The following OBSL1 variants were observed in gnomAD, a reference collection of about 807,000 sequenced individuals.
OBSL1 encodes the protein obscurin-like protein 1.
In OBSL1, 160 loss-of-function variants were observed where a neutral mutation model predicts 172.0. That is an observed-to-expected ratio of 0.93 (90% CI 0.82 to 1.06). OBSL1 has a LOEUF of 1.06. Among genes scored for constraint, OBSL1 ranks in the 50% least tolerant of loss-of-function variants. OBSL1 has a pLI of 0.00. For synonymous variants in OBSL1, 1,200 were observed against 1,196.3 expected (o/e 1.00, Z -0.06); for missense variants, 2,681 against 2,715.4 (o/e 0.99, Z 0.28).
At position 219,568,008 on chromosome 2, in the gene OBSL1, GCACCT is replaced by G; in HGVS notation, c.1282+42_1283-40del. 5 of 1,609,000 alleles carry G rather than the reference GCACCT, an allele frequency of 3.1e-6. No individual in the cohort carries two copies. The highest frequency in any genetic ancestry group is 4.3e-6 in the Non-Finnish European group (5 of 1,176,040). On this transcript the variant is annotated intron_variant, in intron 2 of 20. Coordinates refer to ENST00000404537, the MANE Select transcript of OBSL1 (RefSeq NM_015311.3). The surrounding 1 kb of genome is among the most constrained non-coding windows in gnomAD (Gnocchi z 4.1). ...AGGAATCCATCAACCTGGAATCTGAGCACCTGCCTGCCTCCGCCTCAGCCTCTTCC... is the reference window on the plus strand; with the variant it reads ...AGGAATCCATCAACCTGGAATCTGAGGCCTGCCTCCGCCTCAGCCTCTTCC...
rs1559147645 is a variant in OBSL1, at chr2:219,563,346, GC to G, written c.2680+8del. 2 of 1,553,088 alleles carry G rather than the reference GC, an allele frequency of 1.3e-6. No homozygotes were observed. On this transcript the variant is annotated splice_region_variant and intron_variant, in intron 7 of 20. Transcript: ENST00000404537. ...CCCCTGTGCCTCCGAGGCCCACCTG[GC>G]CCCCCACCTGTGATGGTGACAGTGA...
At chr2:219,549,947 C>T, downstream of OBSL1, 1 of 1,520,748 alleles carries the variant, frequency 6.6e-7, no homozygotes, top group Non-Finnish European at 8.9e-7. Context: ...TTTGGCTGTC[C>T]CTCTCCCCAG....
rs1695743783 is a variant in OBSL1 at position 219,552,957 on chromosome 2, TGGA to T, written c.5054_5056del (p.Leu1685del). ...GTCCGAGGGGCCGCAGCGTCGCAGC[TGGA>T]GAAGGCGGCGCGTGCCGAGGGCCTG... On this transcript the variant is annotated inframe_deletion, in exon 17 of 21. Transcript: ENST00000404537. 6.5e-7 allele frequency: 1 copy of T among 1,533,356 alleles called. No individual in the cohort carries two copies. The highest frequency in any genetic ancestry group is 8.7e-7 in the Non-Finnish European group (1 of 1,143,708). The allele number at this position is 1,533,356 out of a possible 1,614,324, so 95.0% of individuals were successfully genotyped here.
chr2:219,551,902 T>A, intron 19 of OBSL1, 104 bp from the exon 20 acceptor site: 2 of 869,076 alleles, frequency 2.3e-6, no homozygotes, highest in Non-Finnish European at 3.6e-6. Flanking sequence ...GCCTTAGCCC[T>A]CTATGCCACC....
In OBSL1 at chr2:219,558,213, T is replaced by C. The variant is rs775099873; in HGVS notation, c.3473A>G (p.Glu1158Gly). Reference protein sequence around the residue: ...AGEYVCETRHEAITFNVILAE... With the variant: ...AGEYVCETRHGAITFNVILAE... The stretch of plus-strand genomic sequence containing the variant: ...CAGGATGACATTGAAGGTGATGGCC[T>C]CATGCCGGGTCTCACACACATACTC... The change falls in exon 10 of 21, where the codon GAG becomes GGG. Residue 1158 changes from glutamate (E) to glycine (G), a missense_variant. Physicochemically the swap from Glu to Gly is moderately conservative, Grantham distance 98. This residue lies in a region of OBSL1 where 1,765 missense variants were observed against 1,748.3 expected (regional missense o/e 1.01). Transcript: ENST00000404537. 2 of 1,608,050 alleles carry C rather than the reference T, an allele frequency of 1.2e-6. No homozygotes were observed. Among genetic ancestry groups the C allele is most frequent in the South Asian group, 2.2e-5 (2 of 90,722 alleles).
chr2:219,558,890 C>G (rs1417871293), intron 9 of OBSL1, among the ~76,000 whole-genome samples: 1 of 152,212 alleles, frequency 6.6e-6, no homozygotes, highest in East Asian at 1.9e-4. Flanking sequence ...GTCTGTCCAC[C>G]CTCACCAGAG....
downstream of OBSL1, chr2:219,550,603 C>A: frequency 1.8e-6 from 1 of 569,490 alleles, no homozygotes; most frequent in Non-Finnish European, 3.1e-6. Flanking sequence ...GAATGGTGGT[C>A]TTTGGTGGCT....
downstream of OBSL1, chr2:219,547,589 C>A: frequency 6.8e-7 from 1 of 1,466,618 alleles, no homozygotes; most frequent in Non-Finnish European, 9.0e-7. Flanking sequence ...CTACCGAGAG[C>A]GGGTGCTAGA....
At chr2:219,557,791 A>T (rs1372975831) in intron 11 of OBSL1, 32 bp downstream of exon 11, 1 of 1,571,624 alleles carries the variant, frequency 6.4e-7, no homozygotes, top group African/African-American at 1.4e-5. Flanking sequence ...GCTTGGTGCC[A>T]CTCTCAGGCT....
chr2:219,560,874 G>A (rs1271447531), intron 8 of OBSL1, among the ~76,000 whole-genome samples: 1 of 152,208 alleles, frequency 6.6e-6, no homozygotes, highest in Non-Finnish European at 1.5e-5. Context: ...GTGCAGTGAT[G>A]GGACCGGGTG....
In OBSL1 at chr2:219,554,391, C is replaced by T. The variant is rs1695848282; in HGVS notation, c.4876+83G>A. 7 of 1,506,402 alleles carry T rather than the reference C, an allele frequency of 4.6e-6. No individual in the cohort carries two copies. The South Asian group carries it at 6.1e-5, about 13-fold the overall frequency. The allele number at this position is 1,506,402 out of a possible 1,614,324, so 93.3% of individuals were successfully genotyped here. ...AGACAGGCATGGTCAGTGGGGGTCA[C>T]ACGAGTTGGGGGTCAGTATTCATGC... On this transcript the variant is annotated intron_variant, in intron 15 of 20. Coordinates refer to ENST00000404537, the MANE Select transcript of OBSL1 (RefSeq NM_015311.3).
chr2:219,563,414 CCG>C lies in OBSL1; in HGVS notation c.2619_2620del (p.Asp873GlufsTer11). 3 of 1,609,098 alleles carry C rather than the reference CCG, an allele frequency of 1.9e-6. No individual in the cohort carries two copies. Among genetic ancestry groups the C allele is most frequent in the Non-Finnish European group, 2.5e-6 (3 of 1,176,820 alleles). The stretch of plus-strand genomic sequence containing the variant: ...TCCAGCGACGCACTGAAACTCGCCC[CCG>C]TCTGAGGGCTGGGTGGCGGGCAGCA... On this transcript the variant is annotated frameshift_variant, in exon 7 of 21. Transcript: ENST00000404537. LOFTEE classifies it high-confidence loss of function.
rs1332094075 is a variant in OBSL1 at position 219,558,413 on chromosome 2, C to G, written c.3273G>C (p.Leu1091=). 1.6e-5 allele frequency: 25 copies of G among 1,601,554 alleles called. No individual in the cohort carries two copies. Among genetic ancestry groups the G allele is most frequent in the Non-Finnish European group, 2.0e-5 (24 of 1,175,496 alleles). ...IVHPAARSLD[L]HFGAPGRVEL... is the part of the protein sequence containing the mutation. ...CCACGCGCCCTGGAGCCCCAAAATGCAGATCCAGGGAGCGGGCTGCCGGGT... is the reference window on the plus strand; with the variant it reads ...CCACGCGCCCTGGAGCCCCAAAATGGAGATCCAGGGAGCGGGCTGCCGGGT... The change falls in exon 10 of 21, where the codon CTG becomes CTC. Residue 1091 remains leucine, a synonymous_variant. Transcript: ENST00000404537.
chr2:219,551,566 G>C lies in OBSL1; in HGVS notation c.5646C>G (p.Ala1882=), dbSNP rs373603020. Residue 1882 remains alanine (A), a synonymous_variant, in exon 20 of 21, where the codon GCC becomes GCG. Transcript: ENST00000404537. ...PEDQGTYCCQ[A]GQDSTHTRLL... ...GCCGTGTGTGGGTGCTGTCCTGGCC[G>C]GCCTGGCAGCAGTAAGTGCCTTGGT... 8 of 1,602,760 alleles carry C rather than the reference G, an allele frequency of 5.0e-6. No individual in the cohort carries two copies. Among genetic ancestry groups the C allele is most frequent in the African/African-American group, 2.7e-5 (2 of 74,712 alleles).
At chr2:219,560,291 G>A (rs1397003554) in intron 8 of OBSL1, among the ~76,000 whole-genome samples, 1 of 152,214 alleles carries the variant, frequency 6.6e-6, no homozygotes, top group East Asian at 1.9e-4. Context: ...GACCCCACAG[G>A]TAGTGGCAGG....
intron 16 of OBSL1, 97 bp downstream of exon 16, chr2:219,553,477 A>G (rs1015035912): frequency 1.2e-5 from 11 of 897,172 alleles, no homozygotes; most frequent in Non-Finnish European, 1.8e-5. Flanking sequence ...GCACAGTGCC[A>G]GGCACATCCG....
Position 219,556,263 on chromosome 2 carries a change from G to A in OBSL1, c.4366C>T (p.Gln1456Ter), listed in dbSNP as rs1324036892. 3 of 1,591,144 alleles carry A rather than the reference G, an allele frequency of 1.9e-6. No homozygotes were observed. The highest frequency in any genetic ancestry group is 2.6e-6 in the Non-Finnish European group (3 of 1,164,904). The change falls in exon 14 of 21, where the codon CAG becomes TAG. Residue 1456 changes from glutamine (Q) to a stop codon, truncating the protein, a stop_gained. Coordinates refer to ENST00000404537, the MANE Select transcript of OBSL1 (RefSeq NM_015311.3). LOFTEE classifies it high-confidence loss of function. ...ETELLFLRRL[Q>*]DVRAEEGQDV... is the part of the protein sequence containing the mutation. ...TGGCCTTCCTCTGCCCGCACATCCTGCAACCGCCGTAGGAACAGCAGCTCT... is the reference window on the plus strand; with the variant it reads ...TGGCCTTCCTCTGCCCGCACATCCTACAACCGCCGTAGGAACAGCAGCTCT...
chr2:219,558,717 G>C (rs775127836), intron 9 of OBSL1, among the ~76,000 whole-genome samples: 8 of 152,140 alleles, frequency 5.3e-5, no homozygotes, highest in Non-Finnish European at 1.0e-4. Flanking sequence ...CTCTTTAGAA[G>C]AAACTGACTT....
chr2:219,558,214 C>T lies in OBSL1; in HGVS notation c.3472G>A (p.Glu1158Lys), dbSNP rs1158646531. The part of the protein sequence containing the change: ...AGEYVCETRH[E>K]AITFNVILAE... ...AGGATGACATTGAAGGTGATGGCCTCATGCCGGGTCTCACACACATACTCC... is the reference window on the plus strand; with the variant it reads ...AGGATGACATTGAAGGTGATGGCCTTATGCCGGGTCTCACACACATACTCC... The change falls in exon 10 of 21, where the codon GAG (glutamate) becomes AAG (lysine). Residue 1158 changes from glutamate (E) to lysine (K), a missense_variant. By Grantham distance (56) the Glu-to-Lys change is moderately conservative (BLOSUM62 1). This residue lies in a region of OBSL1 where 1,765 missense variants were observed against 1,748.3 expected (regional missense o/e 1.01). Transcript: ENST00000404537. 4 of 1,608,204 alleles carry T rather than the reference C, an allele frequency of 2.5e-6. No homozygotes were observed. The East Asian group carries it at 8.9e-5, about 36-fold the overall frequency.
Sources: gnomAD v4.1 joint callset for allele counts (sites outside exome capture counted in the v4.1 genomes callset) on GRCh38, gnomAD v4.1.1 for gene constraint, gnomAD v4.1.1 regional missense constraint, Gnocchi (gnomAD v3.1) non-coding constraint, MANE v1.5 for transcripts, NCBI Gene and HGNC (gene_info 2026-07-23, HGNC 2026-07-21) for gene names.